SYNPR: variants seen among roughly 807,000 people sequenced by gnomAD.
SYNPR encodes the protein synaptoporin.
SYNPR carries 23 observed loss-of-function variants against 32.9 expected under a neutral mutation model. The ratio of observed to expected loss-of-function variants is 0.70; its 90% CI spans 0.50 to 0.99. The LOEUF (loss-of-function observed/expected upper bound fraction) is 0.99, where lower values mean the gene tolerates loss of function less well. Among genes scored for constraint, SYNPR ranks in the 50% least tolerant of loss-of-function variants. The probability of loss-of-function intolerance (pLI) is 0.00; values close to 1 mark genes in which losing one functional copy is unlikely to be tolerated. For synonymous variants in SYNPR, 146 were observed against 135.9 expected, an observed-to-expected ratio of 1.07 and a Z score of -0.52; for missense variants, 318 against 349.3, an observed-to-expected ratio of 0.91 and a Z score of 0.71.
At chr3:63,571,598 T>A (rs1313276864) in intron 4 of SYNPR, among the ~76,000 whole-genome samples, 2 of 152,172 alleles carry the variant, frequency 1.3e-5, no homozygotes, top group African/African-American at 4.8e-5. Context: ...ATATTCTGTA[T>A]TCAAAATTCA....
intron 5 of SYNPR, among the ~76,000 whole-genome samples, chr3:63,609,660 AATTT>A (rs1469189830): frequency 1.3e-5 from 2 of 152,192 alleles, no homozygotes; most frequent in African/African-American, 4.8e-5. Flanking sequence ...TAATCCCAGC[AATTT>A]AGGAGGCCAA....
At chr3:63,238,139 T>C (rs1252868501) in intron 1 of SYNPR, among the ~76,000 whole-genome samples, 4 of 152,094 alleles carry the variant, frequency 2.6e-5, no homozygotes, top group Non-Finnish European at 4.4e-5. Flanking sequence ...TACTATGTAG[T>C]TCCTTAAGTC....
At chr3:63,310,725 C>T (rs1316312649) in intron 2 of SYNPR, among the ~76,000 whole-genome samples, 1 of 151,962 alleles carries the variant, frequency 6.6e-6, no homozygotes, top group Admixed American at 6.6e-5. Flanking sequence ...ACTGTGGGGG[C>T]ACTAGCTGGC....
In SYNPR at chr3:63,470,937, T is replaced by G. The variant is rs550436567; in HGVS notation, c.85-9895T>G. 2.0e-5 allele frequency among the ~76,000 whole-genome samples: 3 copies of G among 152,330 alleles called. No individual in the cohort carries two copies. In the South Asian group the frequency reaches 6.2e-4, roughly 32 times the overall value. On this transcript the variant is annotated intron_variant, in intron 2 of 5. Coordinates refer to ENST00000478300, the MANE Select transcript of SYNPR (RefSeq NM_001130003.2). ...GTTTAAGGCCCCGTAGGTCAGACTT[T>G]CTGTTATCTACAGCCAAATATTCTG...
intron 2 of SYNPR, among the ~76,000 whole-genome samples, chr3:63,341,785 T>G (rs1351058252): frequency 6.6e-6 from 1 of 152,202 alleles, no homozygotes. Context: ...TTCTCCCACT[T>G]CATGGCTTGT....
At chr3:63,601,273 CAAA>C (rs11463845) in intron 4 of SYNPR, among the ~76,000 whole-genome samples, 1 of 138,186 alleles carries the variant, frequency 7.2e-6, no homozygotes, top group Non-Finnish European at 1.6e-5. Context: ...AACGCCATCT[CAAA>C]AAAAAAAAAA....
rs530303269 is a variant in SYNPR at position 63,243,876 on chromosome 3, CA to C, written n.67-8618del. ...TAAAGGAGCTGTGGAATAAAAAAAACAAAAACAAAAACAAAACAAAAAAACA... is the reference window on the plus strand; with the variant it reads ...TAAAGGAGCTGTGGAATAAAAAAAACAAAACAAAAACAAAACAAAAAAACA... On this transcript the variant is annotated intron_variant and non_coding_transcript_variant, in intron 1 of 4. Transcript: ENST00000478456. Among the ~76,000 whole-genome samples, 9 of 151,474 alleles carry C rather than the reference CA, an allele frequency of 5.9e-5. No homozygotes were observed. The South Asian group carries it at 1.7e-3, about 28-fold the overall frequency.
At chr3:63,399,830 C>T (rs1229610307) in intron 2 of SYNPR, among the ~76,000 whole-genome samples, 5 of 152,186 alleles carry the variant, frequency 3.3e-5, no homozygotes, top group Non-Finnish European at 5.9e-5. Context: ...TATTGAACCA[C>T]GTAACTTTCT....
intron 3 of SYNPR, among the ~76,000 whole-genome samples, chr3:63,532,033 T>C (rs1702121802): frequency 6.6e-6 from 1 of 152,222 alleles, no homozygotes; most frequent in African/African-American, 2.4e-5. Context: ...ACTTACGATA[T>C]CTTTCTCCCC....
chr3:63,607,557 A>G (rs561223107), intron 4 of SYNPR, among the ~76,000 whole-genome samples: 1 of 152,352 alleles, frequency 6.6e-6, no homozygotes, highest in South Asian at 2.1e-4. Flanking sequence ...AATGAAAAGT[A>G]AAAAGAAGAA....
rs149971118 is a variant in SYNPR at position 63,483,079 on chromosome 3, T to C, written c.209+2123T>C. Reference sequence around the variant, plus strand: ...GGAAGTAGGTATCAAGATTTAAATGTACATTCTATTTAATCCAGCAATACC... The same window carrying C: ...GGAAGTAGGTATCAAGATTTAAATGCACATTCTATTTAATCCAGCAATACC... On this transcript the variant is annotated intron_variant, in intron 3 of 5. Coordinates refer to ENST00000478300, the MANE Select transcript of SYNPR (RefSeq NM_001130003.2). Among the ~76,000 whole-genome samples the C allele has an allele frequency of 7.9e-4, 120 of 152,330 alleles. 2 individuals carry two copies. The East Asian group carries it at 0.017, about 21-fold the overall frequency.
chr3:63,278,370 T>G lies in SYNPR; in HGVS notation c.-164T>G. On this transcript the variant is annotated 5_prime_UTR_variant, in exon 1 of 6. Coordinates refer to ENST00000478300, the MANE Select transcript of SYNPR (RefSeq NM_001130003.2). ...GGTTCCCGGAGCGCAGAGCCCAGCG[T>G]TAGCGGGTGGGCTCCCCGAGGCCCC... is the stretch of plus-strand genomic sequence containing the variant. The G allele has an allele frequency of 2.4e-6, 2 of 839,700 alleles. No homozygotes were observed. The highest frequency in any genetic ancestry group is 3.6e-6 in the Non-Finnish European group (2 of 550,650). The allele number at this position is 839,700 out of a possible 1,614,324, so 52.0% of individuals were successfully genotyped here.
At chr3:63,509,868 C>T (rs995863182) in intron 3 of SYNPR, among the ~76,000 whole-genome samples, 7 of 152,032 alleles carry the variant, frequency 4.6e-5, no homozygotes, top group Admixed American at 1.3e-4. Flanking sequence ...TACATTATAA[C>T]GCAGTTTTCA....
intron 2 of SYNPR, among the ~76,000 whole-genome samples, chr3:63,257,975 G>T (rs540450322): frequency 6.6e-6 from 1 of 152,182 alleles, no homozygotes; most frequent in South Asian, 2.1e-4. Flanking sequence ...AGACGAAGAA[G>T]GCCATTACAT....
At chr3:63,253,598 A>G (rs1244251980) in intron 2 of SYNPR, among the ~76,000 whole-genome samples, 1 of 152,206 alleles carries the variant, frequency 6.6e-6, no homozygotes, top group Non-Finnish European at 1.5e-5. Flanking sequence ...AGAGAAATGC[A>G]AATCAAAATC....
intron 3 of SYNPR, among the ~76,000 whole-genome samples, chr3:63,515,655 A>G (rs1701783125): frequency 6.6e-6 from 1 of 152,124 alleles, no homozygotes; most frequent in Non-Finnish European, 1.5e-5. Flanking sequence ...AGACATGTGT[A>G]TTGTAAATGA....
chr3:63,259,888 A>T (rs1479193460), intron 2 of SYNPR, among the ~76,000 whole-genome samples: 1 of 152,232 alleles, frequency 6.6e-6, no homozygotes, highest in African/African-American at 2.4e-5. Context: ...TCAGGATACA[A>T]AATCAATGTG....
At chr3:63,563,530 T>A (rs1702727424) in intron 4 of SYNPR, among the ~76,000 whole-genome samples, 1 of 152,092 alleles carries the variant, frequency 6.6e-6, no homozygotes, top group African/African-American at 2.4e-5. Flanking sequence ...TCCCCTTCCC[T>A]CTCTCCCTCT....
rs185921767 is a variant in SYNPR at position 63,486,450 on chromosome 3, G to A, written c.209+5494G>A. 1.1e-3 allele frequency among the ~76,000 whole-genome samples: 160 copies of A among 152,216 alleles called. 1 individual carries two copies. The highest frequency in any genetic ancestry group is 3.3e-3 in the African/African-American group (137 of 41,538). On this transcript the variant is annotated intron_variant, in intron 3 of 5. Coordinates refer to ENST00000478300, the MANE Select transcript of SYNPR (RefSeq NM_001130003.2). Reference sequence around the variant, plus strand: ...GACAGAATCACCCACAGTGCAAACCGGAACATTAACACACCTTTCATTATC... The same window carrying A: ...GACAGAATCACCCACAGTGCAAACCAGAACATTAACACACCTTTCATTATC...
Sources: gnomAD v4.1 joint callset for allele counts (sites outside exome capture counted in the v4.1 genomes callset) on GRCh38, gnomAD v4.1.1 for gene constraint, MANE v1.5 for transcripts, NCBI Gene and HGNC (gene_info 2026-07-23, HGNC 2026-07-21) for gene names.